The following DYNC1H1 variants were observed in gnomAD, a reference collection of about 807,000 sequenced individuals.
The protein encoded by DYNC1H1 is dynein cytoplasmic 1 heavy chain 1.
A neutral mutation model predicts 527.1 loss-of-function variants in DYNC1H1; 51 were observed. That is an observed-to-expected ratio of 0.10 (90% CI 0.08 to 0.12). The LOEUF (loss-of-function observed/expected upper bound fraction) is 0.12, where lower values mean the gene tolerates loss of function less well. Among genes scored for constraint, DYNC1H1 ranks in the 10% least tolerant of loss-of-function variants. The probability of loss-of-function intolerance (pLI) is 1.00; values close to 1 mark genes in which losing one functional copy is unlikely to be tolerated. For synonymous variants in DYNC1H1, 2,189 were observed against 2,278.8 expected (o/e 0.96, Z 1.12); for missense variants, 2,771 against 5,971.8 (o/e 0.46, Z 17.66).
At chr14:101,991,027 A>G (rs947168227) in intron 10 of DYNC1H1, among the ~76,000 whole-genome samples, 1 of 149,472 alleles carries the variant, frequency 6.7e-6, no homozygotes, top group Non-Finnish European at 1.5e-5. Context: ...AAAAAAAAAT[A>G]CAAAAATTAA....
chr14:101,984,281 C>T (rs940316196), intron 7 of DYNC1H1, among the ~76,000 whole-genome samples: 1 of 151,722 alleles, frequency 6.6e-6, no homozygotes, highest in Non-Finnish European at 1.5e-5. Flanking sequence ...TGAGCCACCG[C>T]GCCCTGCCCG....
chr14:101,997,349 A>G lies in DYNC1H1; in HGVS notation c.3804+75A>G. On this transcript the variant is annotated intron_variant, in intron 16 of 77. Transcript: ENST00000360184. This position sits in a 1 kb window ranked among gnomAD's most constrained non-coding sequence, Gnocchi z 4.8. ...ATTTGGTGACTTTCTTTCAAGCCTAAAAGGCCTTGCTGTGACTGAGCTTTC... is the reference window on the plus strand; with the variant it reads ...ATTTGGTGACTTTCTTTCAAGCCTAGAAGGCCTTGCTGTGACTGAGCTTTC... 2 of 1,608,468 alleles carry G rather than the reference A, an allele frequency of 1.2e-6. No individual in the cohort carries two copies. Among genetic ancestry groups the G allele is most frequent in the Non-Finnish European group, 8.5e-7 (1 of 1,178,270 alleles).
chr14:101,971,211 C>A (rs2047735235), intron 1 of DYNC1H1, among the ~76,000 whole-genome samples: 1 of 150,264 alleles, frequency 6.7e-6, no homozygotes, highest in Non-Finnish European at 1.5e-5. Context: ...GATCCTCCCG[C>A]CACAGACATG....
chr14:102,040,574 G>GTGCTTCCA, intron 63 of DYNC1H1, 24 bp from the exon 64 acceptor site: 1 of 1,614,094 alleles, frequency 6.2e-7, no homozygotes. Context: ...TGCTCCATGG[G>GTGCTTCCA]TGCTTCCACT....
At chr14:101,971,731 A>G (rs2047741354) in intron 1 of DYNC1H1, among the ~76,000 whole-genome samples, 2 of 152,232 alleles carry the variant, frequency 1.3e-5, no homozygotes, top group South Asian at 4.1e-4. Context: ...GTCTCAAAAA[A>G]AATAAAACAG....
Position 102,006,124 on chromosome 14 carries a change from G to A in DYNC1H1, c.5670G>A (p.Leu1890=). Reference sequence around the variant, plus strand: ...CCCCCCTCACTGACCGCTGCTATTTGACAATGACACAAGCCTTGGAGGCCA... The same window carrying A: ...CCCCCCTCACTGACCGCTGCTATTTAACAATGACACAAGCCTTGGAGGCCA... The part of the protein sequence containing the change: ...VQTPLTDRCY[L]TMTQALEARL... Residue 1890 remains leucine (L), a synonymous_variant, in exon 27 of 78, where the codon TTG becomes TTA. Coordinates refer to ENST00000360184, the MANE Select transcript of DYNC1H1 (RefSeq NM_001376.5). 6.2e-7 allele frequency: 1 copy of A among 1,614,190 alleles called. No homozygotes were observed. The highest frequency in any genetic ancestry group is 8.5e-7 in the Non-Finnish European group (1 of 1,180,024).
At position 102,050,163 on chromosome 14, in the gene DYNC1H1, G is replaced by A. The variant is rs750566844; in HGVS notation, c.13777G>A (p.Val4593Ile). 5.0e-6 allele frequency: 8 copies of A among 1,614,102 alleles called. No homozygotes were observed. The highest frequency in any genetic ancestry group is 6.8e-6 in the Non-Finnish European group (8 of 1,180,030). The change falls in exon 77 of 78, where the codon GTC (valine) becomes ATC (isoleucine). Residue 4593 changes from valine to isoleucine, a missense_variant. Val to Ile is a conservative substitution (Grantham distance 29). Coordinates refer to ENST00000360184, the MANE Select transcript of DYNC1H1 (RefSeq NM_001376.5). ...CCTTCCCCTGACGCAGCTGCGCTGG[G>A]TCAAGCAGACAAACACCGAGAAGAA... Reference protein sequence around the residue: ...TALPLTQLRWVKQTNTEKKAS... With the variant: ...TALPLTQLRWIKQTNTEKKAS...
At chr14:101,999,118 A>G (rs1460732369) in intron 16 of DYNC1H1, among the ~76,000 whole-genome samples, 3 of 152,004 alleles carry the variant, frequency 2.0e-5, no homozygotes, top group South Asian at 2.1e-4. Context: ...TCCTGACCTC[A>G]TGATCTGCCC....
intron 72 of DYNC1H1, among the ~76,000 whole-genome samples, chr14:102,046,709 G>T (rs577937757): frequency 6.6e-6 from 1 of 152,128 alleles, no homozygotes; most frequent in African/African-American, 2.4e-5. Context: ...CTGAAAGCCG[G>T]CCGGGGCTTG....
In DYNC1H1 at chr14:101,994,202, T is replaced by C. The variant is rs1165154954; in HGVS notation, c.3034T>C (p.Leu1012=). 1 of 1,614,218 alleles carries C rather than the reference T, an allele frequency of 6.2e-7. No individual in the cohort carries two copies. Among genetic ancestry groups the C allele is most frequent in the Admixed American group, 1.7e-5 (1 of 60,026 alleles). ...TGGCTAGGTGGGTGTACATTACGAA[T>C]TGACTGAGGAAGAGAAATTCTATCG... is the stretch of plus-strand genomic sequence containing the variant. ...QRYQVGVHYE[L]TEEEKFYRNA... The change falls in exon 12 of 78, where the codon TTG becomes CTG. Residue 1012 remains leucine, a synonymous_variant. Coordinates refer to ENST00000360184, the MANE Select transcript of DYNC1H1 (RefSeq NM_001376.5).
Position 102,016,250 on chromosome 14 carries a change from A to T in DYNC1H1, c.7474-99A>T. ...TGCAGTGGGTGTCTGTGATGCAAGA[A>T]GACTGGGAACCACTGTCTTTAGGTT... On this transcript the variant is annotated intron_variant, in intron 36 of 77. Transcript: ENST00000360184. This position sits in a 1 kb window ranked among gnomAD's most constrained non-coding sequence, Gnocchi z 7.3. The T allele has an allele frequency of 6.5e-7, 1 of 1,545,232 alleles. No individual in the cohort carries two copies. The highest frequency in any genetic ancestry group is 2.4e-5 in the East Asian group (1 of 41,830).
intron 7 of DYNC1H1, among the ~76,000 whole-genome samples, chr14:101,984,882 G>A (rs1190014579): frequency 9.9e-5 from 14 of 140,782 alleles, no homozygotes; most frequent in Non-Finnish European, 1.8e-4. Flanking sequence ...GCAGTGAGCC[G>A]AGATCGCGCC....
In DYNC1H1 at chr14:102,039,700, G is replaced by C; in HGVS notation, c.11658G>C (p.Leu3886=). 1.9e-6 allele frequency: 3 copies of C among 1,614,216 alleles called. No individual in the cohort carries two copies. The highest frequency in any genetic ancestry group is 2.5e-6 in the Non-Finnish European group (3 of 1,180,048). Residue 3886 remains leucine, a synonymous_variant, in exon 62 of 78, where the codon CTG becomes CTC. Coordinates refer to ENST00000360184, the MANE Select transcript of DYNC1H1 (RefSeq NM_001376.5). The surrounding 1 kb of genome is among the most constrained non-coding windows in gnomAD (Gnocchi z 7.0). Reference sequence around the variant, plus strand: ...AGGACCACATTACCTTTGCCATGCTGCTGGCAAGAATCAAACTGAAGGGCA... The same window carrying C: ...AGGACCACATTACCTTTGCCATGCTCCTGGCAAGAATCAAACTGAAGGGCA... ...LHQDHITFAM[L]LARIKLKGTV...
rs929161325 is a variant in DYNC1H1, at chr14:102,050,836, G to C, written c.*273G>C. 2.5e-5 allele frequency: 11 copies of C among 447,556 alleles called. No homozygotes were observed. Among genetic ancestry groups the C allele is most frequent in the African/African-American group, 1.8e-4 (9 of 49,838 alleles). 27.7% of individuals were successfully genotyped at this position (447,556 alleles called of 1,614,324 possible). On this transcript the variant is annotated 3_prime_UTR_variant, in exon 78 of 78. Transcript: ENST00000360184. ...GTCTCCGCTTTCATCCCAGGGCACA[G>C]AGCCTTGCCTTCCATGCTGCCCAGG...
At chr14:102,000,448 A>G (rs2141285341) in intron 18 of DYNC1H1, 49 bp downstream of exon 18, 2 of 1,581,748 alleles carry the variant, frequency 1.3e-6, no homozygotes, top group Non-Finnish European at 1.7e-6. Context: ...ACAGTTACAG[A>G]CTTTATTTAG....
intron 56 of DYNC1H1, chr14:102,034,925 C>CAAA: frequency 5.7e-5 from 10 of 174,968 alleles, no homozygotes; most frequent in South Asian, 2.9e-4. Context: ...GAATCCATCT[C>CAAA]AAAAAAAAAA....
In DYNC1H1 at chr14:102,029,369, G is replaced by A. The variant is rs1245962514; in HGVS notation, c.9469-170G>A. ...TTAGAGAGGTTTGGAAGTGTAAGGG[G>A]TATCTCGAAAGCTCTAAGTGGCTAA... On this transcript the variant is annotated intron_variant, in intron 48 of 77. Transcript: ENST00000360184. This position sits in a 1 kb window ranked among gnomAD's most constrained non-coding sequence, Gnocchi z 5.3. The A allele has an allele frequency of 5.3e-6, 4 of 751,818 alleles. No homozygotes were observed. Among genetic ancestry groups the A allele is most frequent in the Non-Finnish European group, 8.8e-6 (4 of 455,916 alleles). 46.6% of individuals were successfully genotyped at this position (751,818 alleles called of 1,614,324 possible).
At position 101,965,375 on chromosome 14, in the gene DYNC1H1, G is replaced by A; in HGVS notation, c.256+428G>A. ...CATCCCTGCCTCCAGTGTCACATGA[G>A]CTTTTCGGTTTCGATTTGTGTCCAA... is the stretch of plus-strand genomic sequence containing the variant. On this transcript the variant is annotated intron_variant, in intron 1 of 77. Transcript: ENST00000360184. This position sits in a 1 kb window ranked among gnomAD's most constrained non-coding sequence, Gnocchi z 4.1. Among the ~76,000 whole-genome samples the A allele has an allele frequency of 6.6e-6, 1 of 152,248 alleles. No individual in the cohort carries two copies. The highest frequency in any genetic ancestry group is 1.9e-4 in the East Asian group (1 of 5,190).
At chr14:101,980,926 A>G (rs975414256) in intron 5 of DYNC1H1, among the ~76,000 whole-genome samples, 3 of 152,054 alleles carry the variant, frequency 2.0e-5, no homozygotes, top group Non-Finnish European at 2.9e-5. Flanking sequence ...AAGCAGTTCT[A>G]TTTGCCCAGA....
Sources: gnomAD v4.1 joint callset for allele counts (sites outside exome capture counted in the v4.1 genomes callset) on GRCh38, gnomAD v4.1.1 for gene constraint, Gnocchi (gnomAD v3.1) non-coding constraint, MANE v1.5 for transcripts, NCBI Gene and HGNC (gene_info 2026-07-23, HGNC 2026-07-21) for gene names.